Variants in ST14 observed in about 807,000 individuals in gnomAD.
ST14 encodes the protein suppressor of tumorigenicity 14 protein.
A neutral mutation model predicts 96.5 loss-of-function variants in ST14; 40 were observed. The ratio of observed to expected loss-of-function variants is 0.41; its 90% CI spans 0.32 to 0.54. ST14 has a LOEUF of 0.54. Ranked by LOEUF, ST14 falls within the 20% of genes least tolerant of loss-of-function variation. The pLI is 0.17. For synonymous variants in ST14, 506 were observed against 492.1 expected, an observed-to-expected ratio of 1.03 and a Z score of -0.37; for missense variants, 1,066 against 1,188.9, an observed-to-expected ratio of 0.90 and a Z score of 1.52.
Position 130,175,139 on chromosome 11 carries a change from G to A in ST14, c.82-12975G>A, listed in dbSNP as rs56316090. On this transcript the variant is annotated intron_variant, in intron 1 of 18. Transcript: ENST00000278742. ...ATGGCAAATTCATTATATCTATCACGTGCCATCCCTAAGATAGCTGATTTT... is the reference window on the plus strand; with the variant it reads ...ATGGCAAATTCATTATATCTATCACATGCCATCCCTAAGATAGCTGATTTT... Among the ~76,000 whole-genome samples, 767 of 152,104 alleles carry A rather than the reference G, an allele frequency of 5.0e-3. 11 individuals are homozygous for A. The highest frequency in any genetic ancestry group is 0.018 in the African/African-American group (746 of 41,486).
chr11:130,203,083 G>A (rs1254671911), intron 16 of ST14, among the ~76,000 whole-genome samples: 1 of 152,138 alleles, frequency 6.6e-6, no homozygotes, highest in Non-Finnish European at 1.5e-5. Flanking sequence ...CGATTGGCTG[G>A]GTTTGCAGAC....
chr11:130,174,994 A>G (rs1953122970), intron 1 of ST14, among the ~76,000 whole-genome samples: 1 of 152,210 alleles, frequency 6.6e-6, no homozygotes, highest in African/African-American at 2.4e-5. Context: ...TTACGCGTCT[A>G]GTATATCTTG....
chr11:130,182,631 C>T (rs1433253543), intron 1 of ST14, among the ~76,000 whole-genome samples: 7 of 151,704 alleles, frequency 4.6e-5, no homozygotes, highest in Middle Eastern at 3.4e-3. Context: ...AGCCACCATG[C>T]CTGGCCCTTT....
chr11:130,206,756 C>T (rs534707479), intron 16 of ST14, among the ~76,000 whole-genome samples: 3 of 151,964 alleles, frequency 2.0e-5, no homozygotes, highest in South Asian at 2.1e-4. Flanking sequence ...TTGGTAGAGG[C>T]GGGGTTTCAC....
At chr11:130,180,489 G>A (rs1953182148) in intron 1 of ST14, among the ~76,000 whole-genome samples, 3 of 152,356 alleles carry the variant, frequency 2.0e-5, no homozygotes, top group Middle Eastern at 3.4e-3. Context: ...GTTGGTAAGT[G>A]TAGGGGCCCT....
rs1428191160 is a variant in ST14, at chr11:130,197,798, G to T, written c.1355-43G>T. 2.0e-6 allele frequency: 3 copies of T among 1,490,864 alleles called. No individual in the cohort carries two copies. In the East Asian group the frequency reaches 7.4e-5, roughly 37 times the overall value. 92.4% of individuals were successfully genotyped at this position (1,490,864 alleles called of 1,614,324 possible). ...AGGGAGCCGGGAGCCAGCGGAGGGA[G>T]GTGGGTGGGTGCTGGGGGCCTCAGG... is the stretch of plus-strand genomic sequence containing the variant. On this transcript the variant is annotated intron_variant, in intron 11 of 18. Transcript: ENST00000278742.
intron 11 of ST14, chr11:130,196,934 T>A: frequency 1.6e-6 from 1 of 607,812 alleles, no homozygotes; most frequent in African/African-American, 1.8e-5. Flanking sequence ...AGTCCCAGCA[T>A]GAGGTACCTG....
At chr11:130,194,347 T>C (rs1953336713) in intron 8 of ST14, 59 bp downstream of exon 8, 2 of 1,606,734 alleles carry the variant, frequency 1.2e-6, no homozygotes, top group African/African-American at 1.3e-5. Context: ...GGGAAGGCCT[T>C]AGTGGGGGTG....
At chr11:130,160,423 A>C (rs1169137052) in intron 1 of ST14, among the ~76,000 whole-genome samples, 1 of 152,044 alleles carries the variant, frequency 6.6e-6, no homozygotes, top group East Asian at 1.9e-4. Context: ...ATTTGGGAGG[A>C]AGTGAAATTT....
chr11:130,165,371 T>G (rs970101630), intron 1 of ST14, among the ~76,000 whole-genome samples: 1 of 152,254 alleles, frequency 6.6e-6, no homozygotes, highest in Non-Finnish European at 1.5e-5. Context: ...CTCAGAGTTC[T>G]TAGCCTGGCC....
At chr11:130,193,165 T>G (rs1222199001) in intron 7 of ST14, among the ~76,000 whole-genome samples, 2 of 151,668 alleles carry the variant, frequency 1.3e-5, no homozygotes, top group South Asian at 4.2e-4. Context: ...CATAGCTCAC[T>G]GTAACCTTGA....
At chr11:130,167,134 C>T (rs1163658284) in intron 1 of ST14, among the ~76,000 whole-genome samples, 2 of 152,196 alleles carry the variant, frequency 1.3e-5, no homozygotes, top group African/African-American at 2.4e-5. Context: ...TCACTTGAAC[C>T]TGGGAGGTGG....
At chr11:130,164,308 GAACT>G (rs1265931107) in intron 1 of ST14, among the ~76,000 whole-genome samples, 5 of 152,224 alleles carry the variant, frequency 3.3e-5, no homozygotes, top group African/African-American at 9.6e-5. Context: ...AAGCTTCATT[GAACT>G]AACTGTGTAC....
At chr11:130,208,726 G>A in intron 17 of ST14, 42 bp downstream of exon 17, 1 of 1,588,316 alleles carries the variant, frequency 6.3e-7, no homozygotes, top group South Asian at 1.1e-5. Context: ...AGGGCCTGGG[G>A]CCTTTCTCCA....
chr11:130,176,015 C>T (rs1045363995), intron 1 of ST14, among the ~76,000 whole-genome samples: 5 of 152,172 alleles, frequency 3.3e-5, no homozygotes, highest in Non-Finnish European at 5.9e-5. Flanking sequence ...TATAATAGCT[C>T]ATGACAGTTT....
At chr11:130,163,425 T>C (rs1404920227) in intron 1 of ST14, among the ~76,000 whole-genome samples, 1 of 152,172 alleles carries the variant, frequency 6.6e-6, no homozygotes, top group Non-Finnish European at 1.5e-5. Flanking sequence ...TTTTGTTTTG[T>C]TTTTTAGACA....
Position 130,197,952 on chromosome 11 carries a change from C to T in ST14, c.1459+7C>T. ...AGCGATGAGCTCAACTGCAGTGAGT[C>T]AGGCTGGGAGCCCCGGTCTCCCCAC... On this transcript the variant is annotated splice_region_variant and intron_variant, in intron 12 of 18. Coordinates refer to ENST00000278742, the MANE Select transcript of ST14 (RefSeq NM_021978.4). 6.4e-7 allele frequency: 1 copy of T among 1,571,010 alleles called. No individual in the cohort carries two copies. Among genetic ancestry groups the T allele is most frequent in the Non-Finnish European group, 8.6e-7 (1 of 1,161,046 alleles).
At position 130,207,065 on chromosome 11, in the gene ST14, A is replaced by G. The variant is rs529461875; in HGVS notation, c.1995-1345A>G. ...ACTTTAGCCAGCTTTGTGAGGCCGC[A>G]TTGCTGTTTGAGTGCTCGATCGCTT... On this transcript the variant is annotated intron_variant, in intron 16 of 18. Transcript: ENST00000278742. 4.9e-4 allele frequency among the ~76,000 whole-genome samples: 74 copies of G among 152,194 alleles called. No individual in the cohort carries two copies. The East Asian group carries it at 0.011, about 22-fold the overall frequency.
chr11:130,167,871 C>T (rs550308253), intron 1 of ST14, among the ~76,000 whole-genome samples: 4 of 152,258 alleles, frequency 2.6e-5, no homozygotes, highest in South Asian at 2.1e-4. Flanking sequence ...TGCGCCACTG[C>T]GCCAGGCTAA....
Sources: gnomAD v4.1 joint callset for allele counts (sites outside exome capture counted in the v4.1 genomes callset) on GRCh38, gnomAD v4.1.1 for gene constraint, MANE v1.5 for transcripts, NCBI Gene and HGNC (gene_info 2026-07-23, HGNC 2026-07-21) for gene names.